The following SLC22A23 variants were observed in gnomAD, a reference collection of about 807,000 sequenced individuals.
The protein encoded by SLC22A23 is solute carrier family 22 member 23, also known as ion transporter protein.
A neutral mutation model predicts 61.0 loss-of-function variants in SLC22A23; 26 were observed. The observed-to-expected ratio is 0.43, with a 90% CI of 0.31 to 0.59. The LOEUF (loss-of-function observed/expected upper bound fraction) is 0.59, where lower values mean the gene tolerates loss of function less well. Ranked by LOEUF, SLC22A23 falls within the 20% of genes least tolerant of loss-of-function variation. The probability of loss-of-function intolerance (pLI) is 0.11; values close to 1 mark genes in which losing one functional copy is unlikely to be tolerated. For missense variants in SLC22A23, 796 were observed against 934.7 expected (o/e 0.85, Z 1.94); for synonymous variants, 430 against 413.9 (o/e 1.04, Z -0.47).
rs3211066 is a variant in SLC22A23, at chr6:3,271,554, C to G, written c.*1501G>C. The stretch of plus-strand genomic sequence containing the variant: ...GTCACTTCATTGTCTCACCCAGGCC[C>G]GAGACCACAATTTCCCTGGAAGGAC... On this transcript the variant is annotated 3_prime_UTR_variant, in exon 10 of 10. Coordinates refer to ENST00000406686, the MANE Select transcript of SLC22A23 (RefSeq NM_015482.2). 0.65 allele frequency: 99,601 copies of G among 152,350 alleles called. 38,812 individuals carry two copies. The highest frequency in any genetic ancestry group is 0.86 in the Non-Finnish European group (58,370 of 68,014). 9.4% of individuals were successfully genotyped at this position (152,350 alleles called of 1,614,324 possible).
intron 3 of SLC22A23, among the ~76,000 whole-genome samples, chr6:3,336,326 C>T (rs571262283): frequency 4.6e-5 from 7 of 152,310 alleles, no homozygotes; most frequent in South Asian, 4.1e-4. Context: ...CTGCCATAGT[C>T]GCCTGTGACC....
intron 5 of SLC22A23, chr6:3,290,988 C>T (rs1760533590): frequency 1.3e-5 from 2 of 152,336 alleles, no homozygotes; most frequent in African/African-American, 4.8e-5. Context: ...AAGACGCAGT[C>T]CTGGGCGGCA....
At chr6:3,338,424 G>A (rs1763976705) in intron 3 of SLC22A23, among the ~76,000 whole-genome samples, 1 of 152,222 alleles carries the variant, frequency 6.6e-6, no homozygotes. Flanking sequence ...CCGCCTCCCG[G>A]GTTCAAGTGA....
intron 9 of SLC22A23, among the ~76,000 whole-genome samples, chr6:3,275,723 T>C (rs756457445): frequency 2.0e-5 from 3 of 152,206 alleles, no homozygotes; most frequent in Non-Finnish European, 4.4e-5. Flanking sequence ...GCTGGGACTA[T>C]AGGCGCGTGC....
At chr6:3,358,264 C>T (rs796087333) in intron 3 of SLC22A23, among the ~76,000 whole-genome samples, 8 of 150,580 alleles carry the variant, frequency 5.3e-5, no homozygotes, top group African/African-American at 1.2e-4. Flanking sequence ...AAGCACTTGA[C>T]GTGAGCGCTC....
chr6:3,310,140 A>G (rs913713432), intron 4 of SLC22A23, among the ~76,000 whole-genome samples: 1 of 152,188 alleles, frequency 6.6e-6, no homozygotes, highest in African/African-American at 2.4e-5. Context: ...AGGCAGGAAA[A>G]TTTCTCTGTG....
rs1049301789 is a variant in SLC22A23 at position 3,372,178 on chromosome 6, T to C, written c.913+38010A>G. ...TCTGCCTCGAGGGCACAGACTCCTGTGATGAGGCTGGACCACTTGGGACTC... is the reference window on the plus strand; with the variant it reads ...TCTGCCTCGAGGGCACAGACTCCTGCGATGAGGCTGGACCACTTGGGACTC... On this transcript the variant is annotated intron_variant, in intron 3 of 9. Transcript: ENST00000406686. This position sits in a 1 kb window ranked among gnomAD's most constrained non-coding sequence, Gnocchi z 4.7. Among the ~76,000 whole-genome samples, 1 of 152,094 alleles carries C rather than the reference T, an allele frequency of 6.6e-6. No individual in the cohort carries two copies. Among genetic ancestry groups the C allele is most frequent in the African/African-American group, 2.4e-5 (1 of 41,408 alleles).
Position 3,397,198 on chromosome 6 carries a change from T to C in SLC22A23, c.913+12990A>G, listed in dbSNP as rs577016602. The stretch of plus-strand genomic sequence containing the variant: ...GGGAACTTTTCCCATTTCATTAGTA[T>C]GTAACCTTAGGCAAGTTACCTTCCC... On this transcript the variant is annotated intron_variant, in intron 3 of 9. Transcript: ENST00000406686. Among the ~76,000 whole-genome samples, 66 of 152,366 alleles carry C rather than the reference T, an allele frequency of 4.3e-4. 1 individual carries two copies. The highest frequency in any genetic ancestry group is 1.5e-3 in the African/African-American group (62 of 41,596).
At chr6:3,446,926 C>T (rs1771923839) in intron 1 of SLC22A23, among the ~76,000 whole-genome samples, 1 of 152,160 alleles carries the variant, frequency 6.6e-6, no homozygotes, top group African/African-American at 2.4e-5. Flanking sequence ...CCCCGTCAGC[C>T]CTGGGGGAGT....
At chr6:3,385,046 A>G (rs1358879107) in intron 3 of SLC22A23, among the ~76,000 whole-genome samples, 1 of 152,214 alleles carries the variant, frequency 6.6e-6, no homozygotes, top group Non-Finnish European at 1.5e-5. Context: ...ATCCATAGAG[A>G]CAGAAAGGAG....
intron 1 of SLC22A23, among the ~76,000 whole-genome samples, chr6:3,433,841 G>A (rs1340736042): frequency 6.6e-6 from 1 of 152,212 alleles, no homozygotes; most frequent in African/African-American, 2.4e-5. Flanking sequence ...ACCATGCTAT[G>A]GGGATAGATA....
In SLC22A23 at chr6:3,342,492, T is replaced by A. The variant is rs906104890; in HGVS notation, c.914-18490A>T. 6.6e-5 allele frequency among the ~76,000 whole-genome samples: 10 copies of A among 152,132 alleles called. No individual in the cohort carries two copies. Among genetic ancestry groups the A allele is most frequent in the Admixed American group, 4.6e-4 (7 of 15,276 alleles). ...CTCTCTCCCAGTCTGCAGAGGTCCCTGAAAACAGTGCTTCTCAAAGGTGGG... is the reference window on the plus strand; with the variant it reads ...CTCTCTCCCAGTCTGCAGAGGTCCCAGAAAACAGTGCTTCTCAAAGGTGGG... On this transcript the variant is annotated intron_variant, in intron 3 of 9. Coordinates refer to ENST00000406686, the MANE Select transcript of SLC22A23 (RefSeq NM_015482.2). This position sits in a 1 kb window ranked among gnomAD's most constrained non-coding sequence, Gnocchi z 4.0.
chr6:3,389,353 C>T (rs949081045), intron 3 of SLC22A23, among the ~76,000 whole-genome samples: 3 of 150,668 alleles, frequency 2.0e-5, no homozygotes, highest in African/African-American at 7.3e-5. Flanking sequence ...TGCGAATACG[C>T]TTAACATTAT....
In SLC22A23 at chr6:3,317,543, G is replaced by A. The variant is rs1393873146; in HGVS notation, c.1082+6291C>T. On this transcript the variant is annotated intron_variant, in intron 4 of 9. Transcript: ENST00000406686. The surrounding 1 kb of genome is among the most constrained non-coding windows in gnomAD (Gnocchi z 4.4). ...ACCCCTCGTTGTTGGCTGTGACCCT[G>A]GAAGGATTTCATGTTTCTTCTGGAA... Among the ~76,000 whole-genome samples, 3 of 152,072 alleles carry A rather than the reference G, an allele frequency of 2.0e-5. No homozygotes were observed. Among genetic ancestry groups the A allele is most frequent in the African/African-American group, 7.2e-5 (3 of 41,392 alleles).
intron 1 of SLC22A23, among the ~76,000 whole-genome samples, chr6:3,430,399 A>G (rs952717094): frequency 6.6e-6 from 1 of 151,980 alleles, no homozygotes; most frequent in Non-Finnish European, 1.5e-5. Flanking sequence ...TGTTCAAGGC[A>G]GGCCACCCCA....
chr6:3,284,793 C>A, intron 8 of SLC22A23: 1 of 1,025,152 alleles, frequency 9.8e-7, no homozygotes, highest in Non-Finnish European at 1.4e-6. Flanking sequence ...AGCATGTTGG[C>A]GCCGGGCCAG....
rs1767566357 is a variant in SLC22A23, at chr6:3,390,042, T to C, written c.913+20146A>G. 6.6e-6 allele frequency among the ~76,000 whole-genome samples: 1 copy of C among 152,168 alleles called. No individual in the cohort carries two copies. On this transcript the variant is annotated intron_variant, in intron 3 of 9. Coordinates refer to ENST00000406686, the MANE Select transcript of SLC22A23 (RefSeq NM_015482.2). This position sits in a 1 kb window ranked among gnomAD's most constrained non-coding sequence, Gnocchi z 4.0. ...TTTGCATTTCAAAAAAAGGCCTGGT[T>C]TGGGATGAAATGAACAGAGTTCTCC...
chr6:3,288,089 C>T (rs1221592766), intron 6 of SLC22A23, among the ~76,000 whole-genome samples: 1 of 152,184 alleles, frequency 6.6e-6, no homozygotes, highest in African/African-American at 2.4e-5. Context: ...AACGTGTCTG[C>T]CCTGAAAACA....
intron 6 of SLC22A23, 27 bp from the exon 7 acceptor site, chr6:3,287,118 G>A: frequency 6.2e-7 from 1 of 1,606,884 alleles, no homozygotes; most frequent in Non-Finnish European, 8.5e-7. Flanking sequence ...AGCGGCAGTG[G>A]GTGGGCTGCC....
Sources: gnomAD v4.1 joint callset for allele counts (sites outside exome capture counted in the v4.1 genomes callset) on GRCh38, gnomAD v4.1.1 for gene constraint, Gnocchi (gnomAD v3.1) non-coding constraint, MANE v1.5 for transcripts, NCBI Gene and HGNC (gene_info 2026-07-23, HGNC 2026-07-21) for gene names.